The following POR variants were observed in gnomAD, a reference collection of about 807,000 sequenced individuals.
POR encodes the protein cytochrome p450 oxidoreductase, also known as NADPH--cytochrome P450 reductase.
Under a neutral mutation model 84.0 loss-of-function variants are expected in POR, and 56 were observed. The ratio of observed to expected loss-of-function variants is 0.67; its 90% CI spans 0.54 to 0.83. The LOEUF (loss-of-function observed/expected upper bound fraction) is 0.83, where lower values mean the gene tolerates loss of function less well. Ranked by LOEUF, POR falls within the 40% of genes least tolerant of loss-of-function variation. POR has a pLI of 0.00. For missense variants in POR, 938 were observed against 944.3 expected (o/e 0.99, Z 0.09); for synonymous variants, 414 against 400.5 (o/e 1.03, Z -0.40).
At chr7:75,919,734 T>C (rs1467299143) in intron 1 of POR, among the ~76,000 whole-genome samples, 1 of 152,024 alleles carries the variant, frequency 6.6e-6, no homozygotes, top group African/African-American at 2.4e-5. Flanking sequence ...GGCAACTCAG[T>C]TGATGCTTGG....
intron 5 of POR, 194 bp from the exon 6 acceptor site, chr7:75,980,854 G>T: frequency 9.1e-7 from 1 of 1,097,024 alleles, no homozygotes; most frequent in Non-Finnish European, 1.3e-6. Flanking sequence ...CAGGCTGTGG[G>T]CTGCAGGTCA....
At chr7:75,973,674 C>CTTTTTTTTTTTTTTT (rs35274225) in intron 3 of POR, among the ~76,000 whole-genome samples, 2 of 64,936 alleles carry the variant, frequency 3.1e-5, no homozygotes, top group Non-Finnish European at 5.1e-5. Context: ...CCAGACCTTG[C>CTTTTTTTTTTTTTTT]TTTTTTTTTT....
chr7:75,956,249 A>G (rs1554553725), intron 2 of POR, among the ~76,000 whole-genome samples: 1 of 152,208 alleles, frequency 6.6e-6, no homozygotes, highest in Non-Finnish European at 1.5e-5. Context: ...CAGTGAGCCA[A>G]GAATGCGCCA....
chr7:75,983,656 C>A lies in POR; in HGVS notation c.947+20C>A. The A allele has an allele frequency of 6.2e-7, 1 of 1,609,328 alleles. No individual in the cohort carries two copies. Among genetic ancestry groups the A allele is most frequent in the Non-Finnish European group, 8.5e-7 (1 of 1,176,492 alleles). ...AATCAGGTACCAGCTGCCACTGTCA[C>A]CCCCTGAACCCTCACTCTGGGCCTC... On this transcript the variant is annotated intron_variant, in intron 9 of 15. Coordinates refer to ENST00000461988, the MANE Select transcript of POR (RefSeq NM_000941.3).
chr7:75,984,623 A>C (rs1789293660), intron 10 of POR, among the ~76,000 whole-genome samples, 154 bp from the exon 11 acceptor site: 1 of 152,240 alleles, frequency 6.6e-6, no homozygotes, highest in Admixed American at 6.5e-5. Context: ...CCCCAGGGCC[A>C]GGGAGGCATC....
chr7:75,924,840 C>T lies in POR; in HGVS notation c.-5+9661C>T, dbSNP rs1364322361. Among the ~76,000 whole-genome samples the T allele has an allele frequency of 3.3e-5, 5 of 152,134 alleles. No homozygotes were observed. In the South Asian group the frequency reaches 6.2e-4, roughly 19 times the overall value. On this transcript the variant is annotated intron_variant, in intron 1 of 15. Coordinates refer to ENST00000461988, the MANE Select transcript of POR (RefSeq NM_000941.3). ...GGGTGTTTATGTCTCATGTAACCAA[C>T]GTAGCACTGTGAGCATGGTCATCCC...
chr7:75,983,770 C>T lies in POR; in HGVS notation c.980C>T (p.Pro327Leu). 6.2e-7 allele frequency: 1 copy of T among 1,612,468 alleles called. No homozygotes were observed. Among genetic ancestry groups the T allele is most frequent in the Non-Finnish European group, 8.5e-7 (1 of 1,179,732 alleles). ...TCTGGGGACCACGTGGCTGTGTACC[C>T]AGCCAACGACTCTGCTCTCGTCAAC... The change falls in exon 10 of 16, where the codon CCA (proline) becomes CTA (leucine). Residue 327 changes from proline (P) to leucine (L), a missense_variant. Coordinates refer to ENST00000461988, the MANE Select transcript of POR (RefSeq NM_000941.3).
chr7:75,979,386 G>C (rs1452638504), intron 3 of POR, 65 bp from the exon 4 acceptor site: 5 of 1,579,454 alleles, frequency 3.2e-6, no homozygotes, highest in East Asian at 2.3e-5. Context: ...CCTGCCCAGT[G>C]GGTGTTCACC....
intron 2 of POR, among the ~76,000 whole-genome samples, chr7:75,958,593 C>T (rs1212365635): frequency 6.6e-6 from 1 of 152,172 alleles, no homozygotes; most frequent in Non-Finnish European, 1.5e-5. Context: ...TGAATGAAGT[C>T]TGCAAGCTCC....
chr7:75,956,959 C>A (rs1044043633), intron 2 of POR, among the ~76,000 whole-genome samples: 2 of 152,360 alleles, frequency 1.3e-5, no homozygotes, highest in Non-Finnish European at 2.9e-5. Context: ...CTCCCGACCT[C>A]AGGTGAGCTG....
At chr7:75,980,025 T>G (rs1554557443) in intron 4 of POR, among the ~76,000 whole-genome samples, 6 of 152,140 alleles carry the variant, frequency 3.9e-5, no homozygotes, top group Non-Finnish European at 8.8e-5. Flanking sequence ...GGAATGAGGT[T>G]CCCAGGGTGG....
chr7:75,946,373 A>G (rs1554552130), intron 1 of POR, among the ~76,000 whole-genome samples: 5 of 151,292 alleles, frequency 3.3e-5, no homozygotes, highest in Non-Finnish European at 5.9e-5. Context: ...CGCAACCTCA[A>G]CCTCCTGGGC....
chr7:75,936,406 T>G (rs1318634929), intron 1 of POR, among the ~76,000 whole-genome samples: 1 of 151,916 alleles, frequency 6.6e-6, no homozygotes, highest in Non-Finnish European at 1.5e-5. Context: ...CTATGCCTGT[T>G]TCTCTTGTGA....
chr7:75,928,843 A>G (rs1189585922), intron 1 of POR, among the ~76,000 whole-genome samples: 2 of 151,388 alleles, frequency 1.3e-5, no homozygotes, highest in Admixed American at 6.6e-5. Flanking sequence ...GGCTCTCCCA[A>G]CTCAAGCACA....
chr7:75,966,777 C>T (rs1175196963), intron 2 of POR, among the ~76,000 whole-genome samples: 1 of 152,166 alleles, frequency 6.6e-6, no homozygotes, highest in Non-Finnish European at 1.5e-5. Context: ...TTTTCCCGCC[C>T]TCCCTCATCT....
At chr7:75,945,728 G>C (rs1199071465) in intron 1 of POR, among the ~76,000 whole-genome samples, 1 of 152,178 alleles carries the variant, frequency 6.6e-6, no homozygotes, top group Non-Finnish European at 1.5e-5. Flanking sequence ...GCCCTGACAT[G>C]ACAGTGACAG....
chr7:75,932,785 C>T lies in POR; in HGVS notation c.-5+17606C>T, dbSNP rs532059705. ...CTGTAATCCCAGCACTTTGGGAGGC[C>T]GAGGTGGGTGGATCACGAGGTCAGG... On this transcript the variant is annotated intron_variant, in intron 1 of 15. Transcript: ENST00000461988. Among the ~76,000 whole-genome samples, 322 of 151,976 alleles carry T rather than the reference C, an allele frequency of 2.1e-3. 1 individual carries two copies. Among genetic ancestry groups the T allele is most frequent in the Middle Eastern group, 0.01 (3 of 294 alleles).
intron 2 of POR, among the ~76,000 whole-genome samples, chr7:75,961,340 A>G (rs2868179): frequency 0.41 from 62,107 of 150,672 alleles, 13,694 homozygotes; most frequent in African/African-American, 0.57. Context: ...CCAGCTGTGG[A>G]GCAGCTGAGC....
intron 1 of POR, chr7:75,915,653 C>T (rs1806522552): frequency 6.6e-6 from 1 of 152,248 alleles, no homozygotes. Context: ...CCGAATCTAA[C>T]CCTGCAGCAT....
Sources: gnomAD v4.1 joint callset for allele counts (sites outside exome capture counted in the v4.1 genomes callset) on GRCh38, gnomAD v4.1.1 for gene constraint, MANE v1.5 for transcripts, NCBI Gene and HGNC (gene_info 2026-07-23, HGNC 2026-07-21) for gene names.